The following TMEM33 variants were observed in gnomAD, a reference collection of about 807,000 sequenced individuals.
TMEM33 encodes transmembrane protein 33.
Under a neutral mutation model 29.7 loss-of-function variants are expected in TMEM33, and 16 were observed. The ratio of observed to expected loss-of-function variants is 0.54; its 90% CI spans 0.36 to 0.82. The LOEUF (loss-of-function observed/expected upper bound fraction) is 0.82, where lower values mean the gene tolerates loss of function less well. Ranked by LOEUF, TMEM33 falls within the 40% of genes least tolerant of loss-of-function variation. The pLI is 0.00. For synonymous variants in TMEM33, 112 were observed against 109.4 expected, an observed-to-expected ratio of 1.02 and a Z score of -0.15; for missense variants, 252 against 295.3, an observed-to-expected ratio of 0.85 and a Z score of 1.08.
chr4:41,946,768 C>CT (rs926752069), intron 5 of TMEM33, among the ~76,000 whole-genome samples: 2 of 130,920 alleles, frequency 1.5e-5, no homozygotes, highest in African/African-American at 5.8e-5. Flanking sequence ...CTTTCCACCT[C>CT]TTTCTTTTGT....
Position 41,958,661 on chromosome 4 carries a change from A to G in TMEM33, c.*4462A>G, listed in dbSNP as rs1414621124. ...TGAGGAATGGCACCTAGATTTGAAA[A>G]TTATGCTTGGCTTGTAGAGACAACT... On this transcript the variant is annotated 3_prime_UTR_variant, in exon 7 of 7. Transcript: ENST00000504986. The G allele has an allele frequency of 6.7e-6, 1 of 150,266 alleles. No individual in the cohort carries two copies. Among genetic ancestry groups the G allele is most frequent in the African/African-American group, 2.5e-5 (1 of 40,534 alleles). 9.3% of individuals were successfully genotyped at this position (150,266 alleles called of 1,614,324 possible). A position where few individuals can be genotyped will look rare whatever the true frequency, so the allele number is the denominator to read the frequency against.
chr4:41,950,577 G>A (rs957576610), intron 6 of TMEM33, among the ~76,000 whole-genome samples: 6 of 152,060 alleles, frequency 3.9e-5, no homozygotes, highest in Admixed American at 3.3e-4. Flanking sequence ...TGTTCAGAGC[G>A]TTTTTATGCT....
At chr4:41,953,882 G>T in intron 6 of TMEM33, 188 bp from the exon 7 acceptor site, 1 of 665,692 alleles carries the variant, frequency 1.5e-6, no homozygotes, top group Non-Finnish European at 2.7e-6. Context: ...AATTGGCAAA[G>T]TGTGACGCAG....
rs1713290922 is a variant in TMEM33 at position 41,956,722 on chromosome 4, T to A, written c.*2523T>A. ...TAGCAGAATTATAATATTTCTGATATACTCATGTTTGACAAGTTGAAACAG... is the reference window on the plus strand; with the variant it reads ...TAGCAGAATTATAATATTTCTGATAAACTCATGTTTGACAAGTTGAAACAG... On this transcript the variant is annotated 3_prime_UTR_variant, in exon 7 of 7. Transcript: ENST00000504986. 1 of 152,206 alleles carries A rather than the reference T, an allele frequency of 6.6e-6. No homozygotes were observed. Among genetic ancestry groups the A allele is most frequent in the South Asian group, 2.1e-4 (1 of 4,832 alleles). The allele number at this position is 152,206 out of a possible 1,614,324, so 9.4% of individuals were successfully genotyped here.
At position 41,960,530 on chromosome 4, in the gene TMEM33, A is replaced by G. The variant is rs1219683857; in HGVS notation, c.*6331A>G. On this transcript the variant is annotated 3_prime_UTR_variant, in exon 7 of 7. Transcript: ENST00000504986. ...AAGATTTTATTGATGTTAAAATCTA[A>G]TTGTGGAATAAAAATCTCTCTGGAA... The G allele has an allele frequency of 1.3e-5, 2 of 152,210 alleles. No individual in the cohort carries two copies. The highest frequency in any genetic ancestry group is 2.9e-5 in the Non-Finnish European group (2 of 68,012). The allele number at this position is 152,210 out of a possible 1,614,324, so 9.4% of individuals were successfully genotyped here. A position where few individuals can be genotyped will look rare whatever the true frequency, so the allele number is the denominator to read the frequency against.
Position 41,954,473 on chromosome 4 carries a change from C to A in TMEM33, c.*274C>A. 4.6e-6 allele frequency: 1 copy of A among 215,296 alleles called. No homozygotes were observed. Among genetic ancestry groups the A allele is most frequent in the Non-Finnish European group, 9.2e-6 (1 of 108,214 alleles). 13.3% of individuals were successfully genotyped at this position (215,296 alleles called of 1,614,324 possible). On this transcript the variant is annotated 3_prime_UTR_variant, in exon 7 of 7. Transcript: ENST00000504986. ...TTTTTTTAAAAAGATGCTGTTGTGC[C>A]TATATCATGAAGTACATTAATTTCT...
chr4:41,935,215 C>T, upstream of TMEM33: 1 of 571,522 alleles, frequency 1.7e-6, no homozygotes, highest in Non-Finnish European at 3.1e-6. Context: ...TCCACCTTCG[C>T]TCCCGTCTTT....
intron 1 of TMEM33, among the ~76,000 whole-genome samples, chr4:41,935,741 C>G (rs530666761): frequency 6.6e-6 from 1 of 152,328 alleles, no homozygotes; most frequent in African/African-American, 2.4e-5. Flanking sequence ...ATAGGCTGAC[C>G]TGGAGCTGGT....
intron 1 of TMEM33, among the ~76,000 whole-genome samples, chr4:41,936,872 T>G (rs766387490): frequency 1.3e-5 from 2 of 152,210 alleles, no homozygotes; most frequent in African/African-American, 2.4e-5. Context: ...TCAGGAAGCA[T>G]TTTACATTGA....
intron 4 of TMEM33, 193 bp downstream of exon 4, chr4:41,944,007 T>C (rs949279754): frequency 3.7e-6 from 2 of 536,352 alleles, no homozygotes; most frequent in Non-Finnish European, 6.5e-6. Context: ...GAACATTTTA[T>C]AGATAAAGGA....
intron 2 of TMEM33, 76 bp from the exon 3 acceptor site, chr4:41,939,117 TATG>T (rs1286345952): frequency 7.2e-7 from 1 of 1,393,598 alleles, no homozygotes. Flanking sequence ...GTTGTGCAAT[TATG>T]ATGCAATTCA....
At chr4:41,946,676 G>A (rs1712803331) in intron 5 of TMEM33, among the ~76,000 whole-genome samples, 1 of 152,080 alleles carries the variant, frequency 6.6e-6, no homozygotes, top group Non-Finnish European at 1.5e-5. Context: ...GCATATAAAA[G>A]AAAAGGGTAA....
chr4:41,944,025 T>G (rs1203070219), intron 4 of TMEM33: 22 of 495,152 alleles, frequency 4.4e-5, no homozygotes, highest in Non-Finnish European at 3.5e-6. Flanking sequence ...GGATTGCACT[T>G]AAAATCACCC....
chr4:41,935,211 T>C, upstream of TMEM33: 4 of 567,614 alleles, frequency 7.0e-6, no homozygotes, highest in Non-Finnish European at 1.3e-5. Context: ...AAGCTCCACC[T>C]TCGCTCCCGT....
At position 41,958,561 on chromosome 4, in the gene TMEM33, A is replaced by G. The variant is rs1051226572; in HGVS notation, c.*4362A>G. ...ATCATTTTGTAGGTAGACTAGATAT[A>G]GCCCGTTGAACCTCTTTTAAAATTT... is the stretch of plus-strand genomic sequence containing the variant. On this transcript the variant is annotated 3_prime_UTR_variant, in exon 7 of 7. Coordinates refer to ENST00000504986, the MANE Select transcript of TMEM33 (RefSeq NM_018126.3). 6.6e-6 allele frequency: 1 copy of G among 151,636 alleles called. No individual in the cohort carries two copies. Among genetic ancestry groups the G allele is most frequent in the Non-Finnish European group, 1.5e-5 (1 of 68,042 alleles). 9.4% of individuals were successfully genotyped at this position (151,636 alleles called of 1,614,324 possible).
Position 41,959,703 on chromosome 4 carries a change from A to G in TMEM33, c.*5504A>G, listed in dbSNP as rs1054566451. The G allele has an allele frequency of 1.3e-5, 2 of 152,268 alleles. No homozygotes were observed. Among genetic ancestry groups the G allele is most frequent in the African/African-American group, 4.8e-5 (2 of 41,570 alleles). The allele number at this position is 152,268 out of a possible 1,614,324, so 9.4% of individuals were successfully genotyped here. A position where few individuals can be genotyped will look rare whatever the true frequency, so the allele number is the denominator to read the frequency against. On this transcript the variant is annotated 3_prime_UTR_variant, in exon 7 of 7. Coordinates refer to ENST00000504986, the MANE Select transcript of TMEM33 (RefSeq NM_018126.3). ...TTCCTTTTGACATTAATTTTTGCCT[A>G]CATATATATTTTTAAGTTGAGACCA...
rs548395370 is a variant in TMEM33 at position 41,953,957 on chromosome 4, A to G, written c.615-113A>G. Reference sequence around the variant, plus strand: ...ATAGTCTTGCTGTATGCGGTGTTGCAACAAACCTTCAATTTGTAAAAAATG... The same window carrying G: ...ATAGTCTTGCTGTATGCGGTGTTGCGACAAACCTTCAATTTGTAAAAAATG... On this transcript the variant is annotated intron_variant, in intron 6 of 6. Coordinates refer to ENST00000504986, the MANE Select transcript of TMEM33 (RefSeq NM_018126.3). The G allele has an allele frequency of 3.0e-4, 415 of 1,376,278 alleles. 5 individuals carry two copies. In the South Asian group the frequency reaches 5.0e-3, roughly 16 times the overall value. 85.3% of individuals were successfully genotyped at this position (1,376,278 alleles called of 1,614,324 possible). A position where few individuals can be genotyped will look rare whatever the true frequency, so the allele number is the denominator to read the frequency against.
intron 4 of TMEM33, chr4:41,944,212 TTCC>T (rs1390079655): frequency 5.7e-6 from 1 of 175,436 alleles, no homozygotes; most frequent in Non-Finnish European, 1.2e-5. Flanking sequence ...AACTGCTGCT[TTCC>T]TGAAATTCTT....
At chr4:41,951,262 T>A (rs367742683) in intron 6 of TMEM33, among the ~76,000 whole-genome samples, 15 of 152,302 alleles carry the variant, frequency 9.8e-5, no homozygotes, top group African/African-American at 3.6e-4. Context: ...ACTTGGTTCC[T>A]TTTGAGCACA....
Sources: gnomAD v4.1 joint callset for allele counts (sites outside exome capture counted in the v4.1 genomes callset) on GRCh38, gnomAD v4.1.1 for gene constraint, MANE v1.5 for transcripts, NCBI Gene and HGNC (gene_info 2026-07-23, HGNC 2026-07-21) for gene names.